Variants in VPS13A observed in about 807,000 individuals in gnomAD.
The protein encoded by VPS13A is intermembrane lipid transfer protein VPS13A.
A neutral mutation model predicts 390.9 loss-of-function variants in VPS13A; 264 were observed. The ratio of observed to expected loss-of-function variants is 0.68; its 90% CI spans 0.61 to 0.75. The LOEUF (loss-of-function observed/expected upper bound fraction) is 0.75. VPS13A is among the 30% of genes least tolerant of loss of function. The pLI is 0.00. For synonymous variants in VPS13A, 1,231 were observed against 1,227.1 expected (o/e 1.00, Z -0.07); for missense variants, 3,409 against 3,733.9 (o/e 0.91, Z 2.27).
chr9:77,413,061 G>C (rs1257337309), intron 71 of VPS13A, among the ~76,000 whole-genome samples: 2 of 152,148 alleles, frequency 1.3e-5, no homozygotes, highest in African/African-American at 4.8e-5. Flanking sequence ...CCTCTTCAAG[G>C]AGAACTACAA....
At chr9:77,289,754 T>C (rs1162535788) in intron 31 of VPS13A, among the ~76,000 whole-genome samples, 2 of 152,052 alleles carry the variant, frequency 1.3e-5, no homozygotes, top group African/African-American at 4.8e-5. Flanking sequence ...GTCTATTGTT[T>C]GTATTTCTCT....
intron 31 of VPS13A, among the ~76,000 whole-genome samples, chr9:77,292,299 T>C (rs954106384): frequency 2.6e-5 from 4 of 152,172 alleles, no homozygotes; most frequent in Admixed American, 6.5e-5. Flanking sequence ...ACCTATATTG[T>C]ATAGTATCTG....
intron 71 of VPS13A, among the ~76,000 whole-genome samples, chr9:77,408,866 G>T (rs1834760962): frequency 6.6e-6 from 1 of 152,204 alleles, no homozygotes; most frequent in African/African-American, 2.4e-5. Context: ...TCCACCTCTG[G>T]GGGCAGGGCA....
intron 1 of VPS13A, among the ~76,000 whole-genome samples, chr9:77,198,401 G>T (rs1825125692): frequency 6.6e-6 from 1 of 152,148 alleles, no homozygotes; most frequent in African/African-American, 2.4e-5. Context: ...CATGTACCAT[G>T]TGGTCTATAG....
At chr9:77,324,500 G>A (rs1228605023) in intron 45 of VPS13A, among the ~76,000 whole-genome samples, 1 of 152,092 alleles carries the variant, frequency 6.6e-6, no homozygotes, top group African/African-American at 2.4e-5. Flanking sequence ...ACAAGAGGAG[G>A]ATATATTTTT....
intron 33 of VPS13A, among the ~76,000 whole-genome samples, chr9:77,296,223 G>A (rs1242943671): frequency 6.6e-6 from 1 of 152,092 alleles, no homozygotes; most frequent in African/African-American, 2.4e-5. Context: ...GTCGGTTGTT[G>A]CTGTGGCTCT....
At chr9:77,260,381 G>C (rs180951749) in intron 23 of VPS13A, among the ~76,000 whole-genome samples, 157 bp downstream of exon 23, 2 of 140,454 alleles carry the variant, frequency 1.4e-5, no homozygotes, top group Admixed American at 1.4e-4. Flanking sequence ...TTTTGAGATG[G>C]AGTCTCGCTC....
At chr9:77,200,403 C>T (rs925618325) in intron 2 of VPS13A, among the ~76,000 whole-genome samples, 2 of 152,088 alleles carry the variant, frequency 1.3e-5, no homozygotes, top group Non-Finnish European at 2.9e-5. Context: ...GCAGGAGAAT[C>T]GCTTGAACCC....
At chr9:77,318,700 A>T in intron 41 of VPS13A, 109 bp downstream of exon 41, 1 of 1,146,900 alleles carries the variant, frequency 8.7e-7, no homozygotes, top group South Asian at 1.4e-5. Flanking sequence ...ATTTAAGCTT[A>T]TTGTAAATAT....
At chr9:77,408,106 T>G (rs1047868704) in intron 71 of VPS13A, among the ~76,000 whole-genome samples, 1 of 152,190 alleles carries the variant, frequency 6.6e-6, no homozygotes, top group Non-Finnish European at 1.5e-5. Flanking sequence ...GAAGGTCAAC[T>G]AAGCACAGTT....
intron 22 of VPS13A, among the ~76,000 whole-genome samples, chr9:77,258,457 A>G (rs746019478): frequency 6.6e-6 from 1 of 152,178 alleles, no homozygotes; most frequent in African/African-American, 2.4e-5. Flanking sequence ...TTTACCTCAT[A>G]GTGACTCTAT....
chr9:77,315,192 C>A, intron 37 of VPS13A, 61 bp from the exon 38 acceptor site: 1 of 1,431,992 alleles, frequency 7.0e-7, no homozygotes, highest in South Asian at 1.2e-5. Flanking sequence ...GAGTTTTACT[C>A]ATATGTTTGA....
At chr9:77,413,062 A>C (rs1835011305) in intron 71 of VPS13A, among the ~76,000 whole-genome samples, 1 of 152,234 alleles carries the variant, frequency 6.6e-6, no homozygotes. Flanking sequence ...CTCTTCAAGG[A>C]GAACTACAAA....
chr9:77,276,988 C>T (rs1934725), intron 26 of VPS13A, among the ~76,000 whole-genome samples: 33,162 of 152,028 alleles, frequency 0.22, 3,947 homozygotes, highest in African/African-American at 0.3. Flanking sequence ...GGGATTAGAG[C>T]GTAGGTATCT....
In VPS13A at chr9:77,281,899, C is replaced by G; in HGVS notation, c.2937C>G (p.Thr979=). 6.2e-7 allele frequency: 1 copy of G among 1,603,100 alleles called. No individual in the cohort carries two copies. Among genetic ancestry groups the G allele is most frequent in the Non-Finnish European group, 8.5e-7 (1 of 1,171,298 alleles). The change falls in exon 28 of 72, where the codon ACC becomes ACG. Residue 979 remains threonine, a synonymous_variant. Transcript: ENST00000360280. The stretch of plus-strand genomic sequence containing the variant: ...AGAATGTACCCGACTTGAAAAGTAC[C>G]TATAACAATGTTTTACAATTGATTA... ...AEKNVPDLKS[T]YNNVLQLIKV...
rs1434909194 is a variant in VPS13A at position 77,419,732 on chromosome 9, C to CTCTT, written c.*3728_*3731dup. On this transcript the variant is annotated 3_prime_UTR_variant, in exon 72 of 72. Transcript: ENST00000360280. ...TTTGTTTACCTAGATGTATTTTAAC[C>CTCTT]TCTTTACCACTAAGCATTTTACTAT... The CTCTT allele has an allele frequency of 2.0e-5, 3 of 152,192 alleles. No homozygotes were observed. 9.4% of individuals were successfully genotyped at this position (152,192 alleles called of 1,614,324 possible). A position where few individuals can be genotyped will look rare whatever the true frequency, so the allele number is the denominator to read the frequency against.
rs535881928 is a variant in VPS13A at position 77,414,811 on chromosome 9, G to T, written c.9475-1145G>T. On this transcript the variant is annotated intron_variant, in intron 71 of 71. Transcript: ENST00000360280. ...GACATTTCTCCTATACTTGATCCCT[G>T]GGCCTCCTGGCCAGACTCAGAAGAG... Among the ~76,000 whole-genome samples, 10 of 151,744 alleles carry T rather than the reference G, an allele frequency of 6.6e-5. No homozygotes were observed. The East Asian group carries it at 1.9e-3, about 29-fold the overall frequency.
intron 26 of VPS13A, chr9:77,279,942 G>T: frequency 2.4e-6 from 1 of 411,936 alleles, no homozygotes; most frequent in East Asian, 5.1e-5. Context: ...AGACTTCAGT[G>T]TTGTGGCACA....
At chr9:77,367,924 T>C (rs920094514) in intron 61 of VPS13A, 131 bp from the exon 62 acceptor site, 4 of 824,058 alleles carry the variant, frequency 4.9e-6, no homozygotes, top group Non-Finnish European at 7.8e-6. Context: ...AATTTCCTGA[T>C]TGGCATGGGA....
Sources: allele counts gnomAD v4.1 joint callset (sites outside exome capture counted in the v4.1 genomes callset), GRCh38; gene constraint gnomAD v4.1.1; transcripts MANE v1.5; gene names NCBI Gene and HGNC (gene_info 2026-07-23, HGNC 2026-07-21).